ZMYM2: variants seen among roughly 807,000 people sequenced by gnomAD.
The protein encoded by ZMYM2 is zinc finger MYM-type containing 2.
Under a neutral mutation model 162.8 loss-of-function variants are expected in ZMYM2, and 56 were observed. The ratio of observed to expected loss-of-function variants is 0.34; its 90% CI spans 0.28 to 0.43. ZMYM2 has a LOEUF of 0.43. Ranked by LOEUF, ZMYM2 falls within the 20% of genes least tolerant of loss-of-function variation. ZMYM2 has a pLI of 1.00. For synonymous variants in ZMYM2, 510 were observed against 541.6 expected (o/e 0.94, Z 0.81); for missense variants, 1,275 against 1,621.8 (o/e 0.79, Z 3.67).
upstream of ZMYM2, among the ~76,000 whole-genome samples, chr13:19,958,271 G>C (rs1954698853): frequency 2.0e-5 from 3 of 152,200 alleles, no homozygotes; most frequent in Non-Finnish European, 4.4e-5. Flanking sequence ...TCGAGGCCGC[G>C]GCTCTCCTCG....
the ZMYM2 span, among the ~76,000 whole-genome samples, chr13:19,884,900 G>A: frequency 0.1 from 15,146 of 152,024 alleles, 900 homozygotes; most frequent in African/African-American, 0.17. Context: ...TATTTGGCCC[G>A]GCCCATGTCC....
the ZMYM2 span, among the ~76,000 whole-genome samples, chr13:19,947,404 T>C: frequency 1.3e-5 from 2 of 150,986 alleles, no homozygotes; most frequent in African/African-American, 4.9e-5. Flanking sequence ...ATTCTTGATG[T>C]AGGCACGTAT....
chr13:20,023,463 T>C (rs537002543), intron 7 of ZMYM2, among the ~76,000 whole-genome samples: 3 of 152,308 alleles, frequency 2.0e-5, no homozygotes, highest in African/African-American at 7.2e-5. Context: ...TCGTGACAGT[T>C]TTGACATTCA....
chr13:19,884,313 C>G, the ZMYM2 span, among the ~76,000 whole-genome samples: 1 of 152,140 alleles, frequency 6.6e-6, no homozygotes, highest in African/African-American at 2.4e-5. Context: ...GTGGCTGCCG[C>G]TTGTTATACC....
chr13:19,909,552 C>T, the ZMYM2 span, among the ~76,000 whole-genome samples: 1 of 151,720 alleles, frequency 6.6e-6, no homozygotes. Flanking sequence ...CCCGCCTCAG[C>T]CTCCTGAGTA....
chr13:20,012,543 A>C (rs1193537888), intron 6 of ZMYM2, among the ~76,000 whole-genome samples: 1 of 152,186 alleles, frequency 6.6e-6, no homozygotes, highest in African/African-American at 2.4e-5. Flanking sequence ...GTCATTTAAG[A>C]ATCTGTTGCC....
intron 12 of ZMYM2, among the ~76,000 whole-genome samples, chr13:20,050,311 C>A (rs948572827): frequency 6.6e-6 from 1 of 151,770 alleles, no homozygotes; most frequent in Non-Finnish European, 1.5e-5. Context: ...GTTAACATTC[C>A]TGACCAGGAA....
intron 11 of ZMYM2, among the ~76,000 whole-genome samples, chr13:20,036,135 C>T (rs1319011257): frequency 5.9e-5 from 9 of 152,064 alleles, no homozygotes; most frequent in Admixed American, 5.9e-4. Flanking sequence ...ATTATGTGAT[C>T]CTCGTAGAGG....
intron 12 of ZMYM2, among the ~76,000 whole-genome samples, chr13:20,049,603 C>T (rs1297684326): frequency 2.6e-5 from 4 of 151,960 alleles, no homozygotes; most frequent in Non-Finnish European, 4.4e-5. Flanking sequence ...GTCTTTATTG[C>T]TTAGGGTACA....
rs17853600 is a variant in ZMYM2, at chr13:19,993,400, A to C, written c.328A>C (p.Lys110Gln). ...TTCCTCAAAAGAGTTGGCATCTCAGAAGGGAAGTGTAAGTGAGACAATTGT... is the reference window on the plus strand; with the variant it reads ...TTCCTCAAAAGAGTTGGCATCTCAGCAGGGAAGTGTAAGTGAGACAATTGT... ...TPSSKELASQ[K>Q]GSVSETIVID... The change falls in exon 3 of 25, where the codon AAG becomes CAG. Residue 110 changes from lysine (K) to glutamine (Q), a missense_variant. Coordinates refer to ENST00000610343, the MANE Select transcript of ZMYM2 (RefSeq NM_197968.4). The C allele has an allele frequency of 1.2e-5, 20 of 1,613,660 alleles. No individual in the cohort carries two copies. Among genetic ancestry groups the C allele is most frequent in the Non-Finnish European group, 1.5e-5 (18 of 1,179,816 alleles).
At chr13:19,996,297 G>T (rs1950012889) in intron 3 of ZMYM2, among the ~76,000 whole-genome samples, 1 of 152,128 alleles carries the variant, frequency 6.6e-6, no homozygotes, top group Admixed American at 6.5e-5. Flanking sequence ...AACAAGAGCT[G>T]GTGCCAAGCA....
At chr13:19,937,495 G>A in the ZMYM2 span, among the ~76,000 whole-genome samples, 4 of 135,546 alleles carry the variant, frequency 3.0e-5, no homozygotes, top group Admixed American at 8.1e-5. Context: ...TCTCAGTCTC[G>A]TTATGTCGCT....
chr13:20,010,985 A>G (rs543802192), intron 6 of ZMYM2, among the ~76,000 whole-genome samples: 4 of 152,058 alleles, frequency 2.6e-5, no homozygotes, highest in Admixed American at 2.0e-4. Flanking sequence ...TACGTAGGGG[A>G]TACAGAGTGA....
At chr13:19,881,777 G>T in the ZMYM2 span, among the ~76,000 whole-genome samples, 1 of 151,978 alleles carries the variant, frequency 6.6e-6, no homozygotes, top group Middle Eastern at 3.4e-3. Flanking sequence ...TTGAGATCAG[G>T]AGTTCAAGAC....
chr13:19,888,762 G>C, the ZMYM2 span, among the ~76,000 whole-genome samples: 1 of 151,496 alleles, frequency 6.6e-6, no homozygotes, highest in Non-Finnish European at 1.5e-5. Flanking sequence ...ACCACACTCA[G>C]CTAATTTTGT....
chr13:19,990,958 T>G (rs1362539700), intron 2 of ZMYM2, among the ~76,000 whole-genome samples: 1 of 152,112 alleles, frequency 6.6e-6, no homozygotes, highest in African/African-American at 2.4e-5. Context: ...ATCAAAATGG[T>G]TCTTGTTCAG....
At chr13:20,033,016 T>C (rs1309080496) in intron 10 of ZMYM2, among the ~76,000 whole-genome samples, 1 of 152,154 alleles carries the variant, frequency 6.6e-6, no homozygotes, top group African/African-American at 2.4e-5. Context: ...TGTCTCCAGA[T>C]CATTTAAACC....
the ZMYM2 span, among the ~76,000 whole-genome samples, chr13:19,939,849 A>G: frequency 6.6e-6 from 1 of 152,200 alleles, no homozygotes; most frequent in Non-Finnish European, 1.5e-5. Flanking sequence ...TTACAGTCCT[A>G]TGTGGTAGGT....
chr13:19,873,968 G>A, the ZMYM2 span, among the ~76,000 whole-genome samples: 17 of 152,282 alleles, frequency 1.1e-4, no homozygotes, highest in African/African-American at 3.6e-4. Context: ...CACAGAGTGC[G>A]TTGGGCAAGG....
Sources: allele counts gnomAD v4.1 joint callset (sites outside exome capture counted in the v4.1 genomes callset), GRCh38; gene constraint gnomAD v4.1.1; transcripts MANE v1.5; gene names NCBI Gene and HGNC (gene_info 2026-07-23, HGNC 2026-07-21).